The following PCDHA1 variants were observed in gnomAD, a reference collection of about 807,000 sequenced individuals.
The protein encoded by PCDHA1 is protocadherin alpha 1, also known as protocadherin alpha-1.
PCDHA1 carries 42 observed loss-of-function variants against 61.3 expected under a neutral mutation model. That is an observed-to-expected ratio of 0.69 (90% confidence interval 0.54 to 0.89). The LOEUF is 0.89. Among genes scored for constraint, PCDHA1 ranks in the 40% least tolerant of loss-of-function variants. The pLI, the probability that PCDHA1 is intolerant of heterozygous loss-of-function variation, is 0.00. For missense variants in PCDHA1, 1,256 were observed against 1,235.3 expected, an observed-to-expected ratio of 1.02 and a Z score of -0.25; for synonymous variants, 610 against 553.8, an observed-to-expected ratio of 1.10 and a Z score of -1.43.
chr5:140,840,200 G>A (rs1412931294), intron 1 of PCDHA1, among the ~76,000 whole-genome samples: 1 of 151,990 alleles, frequency 6.6e-6, no homozygotes, highest in Non-Finnish European at 1.5e-5. Flanking sequence ...CAAAGGAAAA[G>A]AAGTCATAAA....
chr5:140,926,954 A>T, intron 1 of PCDHA1: 1 of 1,597,602 alleles, frequency 6.3e-7, no homozygotes, highest in Non-Finnish European at 8.6e-7. Flanking sequence ...GCAGCGGGAC[A>T]GCTCGAGTAC....
intron 3 of PCDHA1, among the ~76,000 whole-genome samples, chr5:140,987,890 C>T (rs1554249653): frequency 1.3e-5 from 2 of 152,020 alleles, no homozygotes; most frequent in African/African-American, 4.8e-5. Flanking sequence ...TTTATGTGCC[C>T]TAGTTTTATA....
intron 1 of PCDHA1, chr5:140,870,238 G>A: frequency 6.2e-7 from 1 of 1,614,162 alleles, no homozygotes; most frequent in Non-Finnish European, 8.5e-7. Context: ...CCGTGACTCA[G>A]GTGTCAACGG....
intron 1 of PCDHA1, chr5:140,827,969 T>G: frequency 1.5e-6 from 2 of 1,373,188 alleles, no homozygotes; most frequent in Non-Finnish European, 2.0e-6. Flanking sequence ...TATTACTGCA[T>G]CATTCCCTGA....
chr5:140,847,411 A>G (rs1333406263), intron 1 of PCDHA1: 4 of 149,582 alleles, frequency 2.7e-5, no homozygotes, highest in African/African-American at 9.8e-5. Context: ...ATAAACACTC[A>G]CGGTTTTGCC....
intron 1 of PCDHA1, chr5:140,822,163 C>T: frequency 6.2e-7 from 1 of 1,614,250 alleles, no homozygotes; most frequent in Non-Finnish European, 8.5e-7. Context: ...TGACAATCCG[C>T]CCAGGTTCTC....
chr5:140,969,310 T>C, intron 1 of PCDHA1: 2 of 1,614,198 alleles, frequency 1.2e-6, no homozygotes, highest in East Asian at 2.2e-5. Context: ...TTCTCAAAAA[T>C]GAGGCTGTTT....
chr5:140,794,434 A>G (rs1761857290), intron 1 of PCDHA1, among the ~76,000 whole-genome samples: 2 of 152,248 alleles, frequency 1.3e-5, no homozygotes, highest in African/African-American at 4.8e-5. Flanking sequence ...TATCTAAAGT[A>G]GTGAAATTCA....
In PCDHA1 at chr5:140,848,506, C is replaced by G. The variant is rs1229499943; in HGVS notation, c.2394+59822C>G. 13 of 1,588,314 alleles carry G rather than the reference C, an allele frequency of 8.2e-6. 2 individuals carry two copies. The highest frequency in any genetic ancestry group is 1.3e-5 in the African/African-American group (1 of 74,152). On this transcript the variant is annotated intron_variant, in intron 1 of 3. Transcript: ENST00000504120. ...GACTGAGTATTTGAAATGTTATACT[C>G]AAGTCGAGGAGATCCAGAGGGTCAG...
At chr5:140,998,095 CA>C (rs1482651958) in intron 3 of PCDHA1, among the ~76,000 whole-genome samples, 1 of 152,106 alleles carries the variant, frequency 6.6e-6, no homozygotes, top group Non-Finnish European at 1.5e-5. Flanking sequence ...AATGCTAGAG[CA>C]AACAGAGGAG....
chr5:140,829,467 A>G, intron 1 of PCDHA1: 6 of 1,613,844 alleles, frequency 3.7e-6, no homozygotes, highest in Non-Finnish European at 5.1e-6. Flanking sequence ...GCGCAGCCCG[A>G]GTACACAGTG....
chr5:140,882,199 G>A, intron 1 of PCDHA1: 1 of 1,526,968 alleles, frequency 6.5e-7, no homozygotes, highest in Non-Finnish European at 8.8e-7. Context: ...TAAAAATTGG[G>A]CCTTGAGAGA....
intron 1 of PCDHA1, chr5:140,858,228 A>T: frequency 6.3e-7 from 1 of 1,595,134 alleles, no homozygotes; most frequent in Non-Finnish European, 8.6e-7. Flanking sequence ...GCGCCCACCG[A>T]GGGCGCATGT....
intron 1 of PCDHA1, chr5:140,858,071 C>A: frequency 6.3e-7 from 1 of 1,597,680 alleles, no homozygotes; most frequent in Non-Finnish European, 8.6e-7. Context: ...CAGCCAGGCA[C>A]CCAAGGCCTC....
intron 1 of PCDHA1, chr5:140,809,647 A>C: frequency 6.7e-7 from 1 of 1,500,206 alleles, no homozygotes; most frequent in Non-Finnish European, 8.9e-7. Context: ...TTTATTTCTA[A>C]GAGTCAAATT....
At chr5:140,967,733 C>T (rs1473723959) in intron 1 of PCDHA1, 7 of 1,614,024 alleles carry the variant, frequency 4.3e-6, no homozygotes, top group Non-Finnish European at 5.9e-6. Context: ...AATTGGGGGG[C>T]TGGATTATGA....
In PCDHA1 at chr5:140,884,360, G is replaced by A. The variant is rs782401694; in HGVS notation, c.2395-94589G>A. On this transcript the variant is annotated intron_variant, in intron 1 of 3. Coordinates refer to ENST00000504120, the MANE Select transcript of PCDHA1 (RefSeq NM_018900.4). ...AGAAGCGGCGCTGGTGGATGTCAAT[G>A]TTTACTTGATCATTGCCATCTGCGC... The A allele has an allele frequency of 3.1e-6, 5 of 1,613,852 alleles. No individual in the cohort carries two copies. The African/African-American group carries it at 4.0e-5, about 13-fold the overall frequency.
intron 1 of PCDHA1, among the ~76,000 whole-genome samples, chr5:140,896,950 C>A (rs996950218): frequency 6.6e-6 from 1 of 152,106 alleles, no homozygotes; most frequent in Non-Finnish European, 1.5e-5. Context: ...TGGCCATTCC[C>A]TTAAACATTT....
chr5:140,956,433 C>T (rs1260145380), intron 1 of PCDHA1, among the ~76,000 whole-genome samples: 6 of 152,098 alleles, frequency 3.9e-5, no homozygotes, highest in African/African-American at 1.4e-4. Context: ...TTTAGTTCTG[C>T]TTATGTGATG....
Sources: gnomAD v4.1 joint callset for allele counts (sites outside exome capture counted in the v4.1 genomes callset) on GRCh38, gnomAD v4.1.1 for gene constraint, MANE v1.5 for transcripts, NCBI Gene and HGNC (gene_info 2026-07-23, HGNC 2026-07-21) for gene names.